Variants in ATXN1 observed in about 807,000 individuals in gnomAD.
ATXN1 encodes ataxin-1.
ATXN1 carries 8 observed loss-of-function variants against 56.4 expected under a neutral mutation model. The observed-to-expected ratio is 0.14, with a 90% confidence interval of 0.08 to 0.26. The LOEUF (loss-of-function observed/expected upper bound fraction) is 0.26. ATXN1 is among the 10% of genes least tolerant of loss of function. The pLI is 1.00. For missense variants in ATXN1, 987 were observed against 1,106.5 expected, an observed-to-expected ratio of 0.89 and a Z score of 1.53; for synonymous variants, 514 against 494.6, an observed-to-expected ratio of 1.04 and a Z score of -0.52.
intron 6 of ATXN1, among the ~76,000 whole-genome samples, chr6:16,356,797 C>T (rs1474730482): frequency 2.0e-5 from 3 of 152,160 alleles, no homozygotes; most frequent in Non-Finnish European, 4.4e-5. Flanking sequence ...AGCTTGAAGA[C>T]AGCAAACTAA....
At chr6:16,415,988 A>G (rs1395179093) in intron 6 of ATXN1, among the ~76,000 whole-genome samples, 1 of 151,980 alleles carries the variant, frequency 6.6e-6, no homozygotes, top group East Asian at 1.9e-4. Flanking sequence ...GGGGAGAATT[A>G]TACATGGGCA....
chr6:16,453,684 T>C (rs1305400638), intron 6 of ATXN1, among the ~76,000 whole-genome samples: 1 of 152,160 alleles, frequency 6.6e-6, no homozygotes, highest in Non-Finnish European at 1.5e-5. Context: ...GTACCTGGCA[T>C]TGTGCTACAG....
intron 6 of ATXN1, among the ~76,000 whole-genome samples, chr6:16,409,525 C>T (rs1033625733): frequency 2.6e-5 from 4 of 151,862 alleles, no homozygotes; most frequent in Non-Finnish European, 5.9e-5. Flanking sequence ...TGGTGGCTCA[C>T]GCCTGTAGTC....
chr6:16,645,998 T>C lies in ATXN1; in HGVS notation c.-489+11778A>G, dbSNP rs149404532. 2.1e-3 allele frequency among the ~76,000 whole-genome samples: 319 copies of C among 152,228 alleles called. 1 individual carries two copies. Among genetic ancestry groups the C allele is most frequent in the African/African-American group, 7.4e-3 (309 of 41,532 alleles). On this transcript the variant is annotated intron_variant, in intron 3 of 7. Transcript: ENST00000436367. ...ACTCTGAGAGGCCAAAGCAGGAGAA[T>C]TGCTGGAACACAGGGCTCCAGAACA...
At chr6:16,724,795 A>C (rs1401429928) in intron 2 of ATXN1, among the ~76,000 whole-genome samples, 1 of 152,328 alleles carries the variant, frequency 6.6e-6, no homozygotes, top group East Asian at 1.9e-4. Context: ...GTCATGACTC[A>C]GAGGCTTTAT....
chr6:16,681,983 T>G (rs947931142), intron 2 of ATXN1, among the ~76,000 whole-genome samples: 6 of 152,184 alleles, frequency 3.9e-5, no homozygotes, highest in Non-Finnish European at 8.8e-5. Flanking sequence ...AAAGTCCCCC[T>G]GAACCAGAAG....
At chr6:16,689,865 T>C (rs984424529) in intron 2 of ATXN1, among the ~76,000 whole-genome samples, 4 of 152,302 alleles carry the variant, frequency 2.6e-5, no homozygotes, top group Non-Finnish European at 4.4e-5. Context: ...TCTCAGAAAC[T>C]TAGCCCTCTT....
chr6:16,611,248 C>T (rs1316152651), intron 3 of ATXN1, among the ~76,000 whole-genome samples: 1 of 152,070 alleles, frequency 6.6e-6, no homozygotes, highest in Non-Finnish European at 1.5e-5. Flanking sequence ...TTATCTTATA[C>T]AGGGAGGAGG....
At chr6:16,377,525 A>G (rs1581723314) in intron 6 of ATXN1, among the ~76,000 whole-genome samples, 1 of 152,156 alleles carries the variant, frequency 6.6e-6, no homozygotes, top group African/African-American at 2.4e-5. Context: ...TGAACAGGCT[A>G]CAGCCGCTGT....
At chr6:16,518,573 T>C (rs1319636665) in intron 5 of ATXN1, among the ~76,000 whole-genome samples, 1 of 152,190 alleles carries the variant, frequency 6.6e-6, no homozygotes, top group Non-Finnish European at 1.5e-5. Context: ...TCTTGTCTTA[T>C]TTCTCAGTGG....
chr6:16,520,452 G>A (rs900781375), intron 5 of ATXN1, among the ~76,000 whole-genome samples: 3 of 152,122 alleles, frequency 2.0e-5, no homozygotes, highest in Non-Finnish European at 4.4e-5. Context: ...GTAGCCACAA[G>A]TGGTCTACAT....
chr6:16,759,977 G>GGCGC (rs1303640326), intron 1 of ATXN1, among the ~76,000 whole-genome samples: 1 of 151,826 alleles, frequency 6.6e-6, no homozygotes, highest in Non-Finnish European at 1.5e-5. Flanking sequence ...CCCCCCGCCC[G>GGCGC]GCGCGCGCGC....
At chr6:16,625,473 C>T (rs1763391547) in intron 3 of ATXN1, among the ~76,000 whole-genome samples, 1 of 152,102 alleles carries the variant, frequency 6.6e-6, no homozygotes, top group Admixed American at 6.5e-5. Flanking sequence ...CATGTGTGAC[C>T]ATGGTGTTCC....
chr6:16,625,005 C>T (rs1319534256), intron 3 of ATXN1, among the ~76,000 whole-genome samples: 1 of 152,124 alleles, frequency 6.6e-6, no homozygotes, highest in Non-Finnish European at 1.5e-5. Flanking sequence ...GCCTAAGGTT[C>T]GGAGGACACT....
chr6:16,586,043 G>GCACACACACACACACACA (rs61369372), intron 3 of ATXN1, 136 bp from the exon 4 acceptor site: 45 of 148,378 alleles, frequency 3.0e-4, no homozygotes, highest in African/African-American at 1.1e-3. Context: ...GCAAGCATGC[G>GCACACACACACACACACA]CACACACACA....
At chr6:16,348,567 T>G (rs1397131760) in intron 6 of ATXN1, among the ~76,000 whole-genome samples, 1 of 151,858 alleles carries the variant, frequency 6.6e-6, no homozygotes, top group Non-Finnish European at 1.5e-5. Context: ...CCGGGCTTGG[T>G]GGTGAGTGCC....
At chr6:16,381,808 C>T (rs1438023283) in intron 6 of ATXN1, among the ~76,000 whole-genome samples, 1 of 152,162 alleles carries the variant, frequency 6.6e-6, no homozygotes, top group Non-Finnish European at 1.5e-5. Flanking sequence ...TCTCAGGTAT[C>T]TACGTTTGGT....
intron 2 of ATXN1, among the ~76,000 whole-genome samples, chr6:16,741,714 G>A (rs1033124843): frequency 3.3e-5 from 5 of 152,190 alleles, no homozygotes; most frequent in African/African-American, 1.2e-4. Context: ...TACTACTGGT[G>A]AGACCCACAT....
At chr6:16,571,722 G>A (rs1478672344) in intron 4 of ATXN1, among the ~76,000 whole-genome samples, 1 of 151,764 alleles carries the variant, frequency 6.6e-6, no homozygotes, top group East Asian at 1.9e-4. Context: ...GTGTAGTGGT[G>A]CGATCACAGC....
Sources: allele counts gnomAD v4.1 joint callset (sites outside exome capture counted in the v4.1 genomes callset), GRCh38; gene constraint gnomAD v4.1.1; transcripts MANE v1.5; gene names NCBI Gene and HGNC (gene_info 2026-07-23, HGNC 2026-07-21).